The following PCDH11X variants were observed in gnomAD, a reference collection of about 807,000 sequenced individuals.
PCDH11X encodes the protein protocadherin 11 X-linked, also known as protocadherin-11 X-linked.
A neutral mutation model predicts 53.3 loss-of-function variants in PCDH11X; 18 were observed. That is an observed-to-expected ratio of 0.34 (90% CI 0.23 to 0.50). PCDH11X has a LOEUF of 0.50. PCDH11X is among the 20% of genes least tolerant of loss of function. The pLI, the probability that PCDH11X is intolerant of heterozygous loss-of-function variation, is 0.98. For synonymous variants in PCDH11X, 279 were observed against 393.3 expected, an observed-to-expected ratio of 0.71 and a Z score of 3.44; for missense variants, 570 against 1,032.4, an observed-to-expected ratio of 0.55 and a Z score of 6.14.
At chrX:92,607,777 C>G (rs191342029) in intron 10 of PCDH11X, among the ~76,000 whole-genome samples, 1 of 111,521 alleles carries the variant, frequency 9.0e-6, no homozygotes, top group Non-Finnish European at 1.9e-5. Flanking sequence ...GGATAAATTG[C>G]TTTTCTGATG....
At chrX:92,120,561 A>G (rs2064739798) in intron 6 of PCDH11X, among the ~76,000 whole-genome samples, 1 of 113,050 alleles carries the variant, frequency 8.8e-6, no homozygotes, top group African/African-American at 3.2e-5. Context: ...AAAGTAATTC[A>G]AATGCTAATT....
chrX:92,311,213 GT>G (rs775621062), intron 8 of PCDH11X, among the ~76,000 whole-genome samples: 1 of 109,910 alleles, frequency 9.1e-6, no homozygotes, highest in South Asian at 4.0e-4. Context: ...AAGACACTCA[GT>G]TATGGTAGAC....
At position 91,877,532 on chromosome X, in the gene PCDH11X, A is replaced by G; in HGVS notation, c.1292A>G (p.Glu431Gly). Residue 431 changes from glutamate to glycine, a missense_variant, in exon 6 of 11, where the codon GAA (glutamate) becomes GGA (glycine). Glu to Gly is a moderately conservative substitution (Grantham distance 98). This residue lies in a region of PCDH11X where 226 missense variants were observed against 457.5 expected (regional missense o/e 0.49). Transcript: ENST00000682573. ...TATCTTGACTATGAGTCCACAAAAG[A>G]ATATGCCATTAAATTACTGGCTGCA... ...AAYLDYESTK[E>G]YAIKLLAADA... 4.1e-6 allele frequency: 5 copies of G among 1,211,053 alleles called. No individual in the cohort carries two copies. The highest frequency in any genetic ancestry group is 5.6e-6 in the Non-Finnish European group (5 of 895,341).
At chrX:92,568,433 A>G (rs1921781457) in intron 10 of PCDH11X, among the ~76,000 whole-genome samples, 2 of 108,753 alleles carry the variant, frequency 1.8e-5, no homozygotes, top group Admixed American at 2.0e-4. Flanking sequence ...AAAAAAAAAA[A>G]AAATTCATAG....
chrX:92,568,634 G>C (rs997694621), intron 10 of PCDH11X, among the ~76,000 whole-genome samples: 1 of 109,813 alleles, frequency 9.1e-6, no homozygotes, highest in Non-Finnish European at 1.9e-5. Context: ...CACTAAAACT[G>C]TTCGAAGGCT....
chrX:92,278,132 T>C (rs943421609), intron 8 of PCDH11X, among the ~76,000 whole-genome samples: 3 of 111,267 alleles, frequency 2.7e-5, no homozygotes, highest in Non-Finnish European at 3.8e-5. Flanking sequence ...AAGGGAGAGA[T>C]TGAAGTGTGG....
intron 6 of PCDH11X, among the ~76,000 whole-genome samples, chrX:92,010,113 A>G (rs1246403784): frequency 1.8e-5 from 2 of 111,661 alleles, no homozygotes; most frequent in African/African-American, 6.5e-5. Context: ...CTTTGATTAT[A>G]TGTAACCAAA....
chrX:91,899,578 T>TTATATA (rs200007564), intron 6 of PCDH11X, among the ~76,000 whole-genome samples: 10 of 107,439 alleles, frequency 9.3e-5, no homozygotes, highest in African/African-American at 2.7e-4. Flanking sequence ...TCTCCTGAAA[T>TTATATA]TATATATATA....
chrX:91,861,534 C>G (rs1045367246), intron 5 of PCDH11X, among the ~76,000 whole-genome samples: 1 of 109,792 alleles, frequency 9.1e-6, no homozygotes, highest in African/African-American at 3.3e-5. Context: ...ACCTTCCAGT[C>G]TGTCAGGCCC....
intron 7 of PCDH11X, among the ~76,000 whole-genome samples, chrX:92,219,150 C>A (rs2066801170): frequency 1.8e-5 from 2 of 110,759 alleles, no homozygotes; most frequent in Non-Finnish European, 3.8e-5. Flanking sequence ...ACAGGGATGC[C>A]CTCTCTCACC....
chrX:92,201,239 A>T, intron 6 of PCDH11X, 136 bp from the exon 7 acceptor site: 1 of 850,007 alleles, frequency 1.2e-6, no homozygotes, highest in Non-Finnish European at 1.6e-6. Flanking sequence ...TACATAAATA[A>T]ACTATGATGT....
chrX:92,483,579 A>G (rs2073553054), intron 10 of PCDH11X, among the ~76,000 whole-genome samples: 1 of 79,941 alleles, frequency 1.3e-5, no homozygotes, highest in Non-Finnish European at 2.4e-5. Context: ...AAGGGAAGAT[A>G]AGATTACATA....
intron 7 of PCDH11X, among the ~76,000 whole-genome samples, chrX:92,202,708 T>C (rs2066411106): frequency 9.1e-6 from 1 of 110,262 alleles, no homozygotes; most frequent in East Asian, 3.0e-4. Flanking sequence ...TTTCCTAGTA[T>C]AGATTTTAAG....
chrX:92,257,429 C>G (rs1320445632), intron 7 of PCDH11X, among the ~76,000 whole-genome samples: 3 of 111,532 alleles, frequency 2.7e-5, no homozygotes, highest in South Asian at 3.8e-4. Flanking sequence ...TCCCAACAGT[C>G]CCCCAGTGTC....
At chrX:92,446,803 G>A (rs1172563228) in intron 9 of PCDH11X, among the ~76,000 whole-genome samples, 1 of 111,424 alleles carries the variant, frequency 9.0e-6, no homozygotes, top group Non-Finnish European at 1.9e-5. Context: ...TGGAACAGTT[G>A]GAGGGCTCAG....
At chrX:91,936,998 T>C (rs1447710025) in intron 6 of PCDH11X, among the ~76,000 whole-genome samples, 1 of 110,040 alleles carries the variant, frequency 9.1e-6, no homozygotes, top group Non-Finnish European at 1.9e-5. Flanking sequence ...TATGAAACTA[T>C]AATCACCTTT....
intron 10 of PCDH11X, among the ~76,000 whole-genome samples, chrX:92,516,345 A>G (rs1020336681): frequency 8.9e-6 from 1 of 112,389 alleles, no homozygotes; most frequent in Non-Finnish European, 1.9e-5. Context: ...ACAATAAAAG[A>G]TTCTGTGAAA....
intron 6 of PCDH11X, among the ~76,000 whole-genome samples, chrX:92,154,264 C>A (rs1476359427): frequency 9.0e-6 from 1 of 110,917 alleles, no homozygotes; most frequent in Non-Finnish European, 1.9e-5. Context: ...ATTTAAGATA[C>A]TTCAGGATAA....
intron 6 of PCDH11X, among the ~76,000 whole-genome samples, chrX:92,064,801 T>C (rs2063581679): frequency 9.3e-6 from 1 of 106,986 alleles, no homozygotes; most frequent in African/African-American, 3.6e-5. Context: ...AGATCAAATT[T>C]CTCTCCATGG....
Sources: allele counts gnomAD v4.1 joint callset (sites outside exome capture counted in the v4.1 genomes callset), GRCh38; gene constraint gnomAD v4.1.1; regional missense constraint gnomAD v4.1.1; transcripts MANE v1.5; gene names NCBI Gene and HGNC (gene_info 2026-07-23, HGNC 2026-07-21).